The following CA8 variants were observed in gnomAD, a reference collection of about 807,000 sequenced individuals.
The protein encoded by CA8 is carbonic anhydrase-related protein.
Under a neutral mutation model 41.4 loss-of-function variants are expected in CA8, and 22 were observed. The observed-to-expected ratio is 0.53, with a 90% confidence interval of 0.38 to 0.76. The LOEUF (loss-of-function observed/expected upper bound fraction) is 0.76. Among genes scored for constraint, CA8 ranks in the 30% least tolerant of loss-of-function variants. The pLI is 0.00. For missense variants in CA8, 270 were observed against 352.8 expected, an observed-to-expected ratio of 0.77 and a Z score of 1.88; for synonymous variants, 121 against 130.6, an observed-to-expected ratio of 0.93 and a Z score of 0.50.
chr8:60,207,081 T>G (rs1416829048), intron 8 of CA8, among the ~76,000 whole-genome samples: 3 of 152,096 alleles, frequency 2.0e-5, no homozygotes, highest in African/African-American at 7.2e-5. Flanking sequence ...TGCAACCACA[T>G]CCCTCCTTGA....
chr8:60,224,561 AG>A lies in CA8; in HGVS notation c.600del (p.Phe201LeufsTer40). Reference protein sequence around the residue: ...QYKGKSKTIPCFNPNTLLPDP... With the variant: ...QYKGKSKTIPXFNPNTLLPDP... ...CCTGGTAATAAAGTGTTAGGATTAA[AG>A]CAAGGTATTGTTTTGGACTTCCCCT... On this transcript the variant is annotated frameshift_variant, in exon 6 of 9. Coordinates refer to ENST00000317995, the MANE Select transcript of CA8 (RefSeq NM_004056.6). LOFTEE classifies it high-confidence loss of function. 6.3e-7 allele frequency: 1 copy of A among 1,579,310 alleles called. No homozygotes were observed. Among genetic ancestry groups the A allele is most frequent in the East Asian group, 2.2e-5 (1 of 44,604 alleles).
intron 7 of CA8, among the ~76,000 whole-genome samples, chr8:60,222,317 C>T (rs988605204): frequency 2.0e-5 from 3 of 149,926 alleles, no homozygotes; most frequent in Admixed American, 6.7e-5. Context: ...CAGAAATAAC[C>T]GGCATCCCCA....
chr8:60,207,788 A>G (rs900566606), intron 8 of CA8, among the ~76,000 whole-genome samples: 2 of 152,056 alleles, frequency 1.3e-5, no homozygotes, highest in Non-Finnish European at 2.9e-5. Context: ...CACGATCTCA[A>G]TCTGTCACCC....
chr8:60,268,594 T>A (rs997052138), intron 2 of CA8, among the ~76,000 whole-genome samples: 4 of 152,204 alleles, frequency 2.6e-5, no homozygotes, highest in African/African-American at 9.6e-5. Flanking sequence ...CACAGACCCA[T>A]GTTTTGATAG....
chr8:60,205,743 G>A (rs1806555375), intron 8 of CA8, among the ~76,000 whole-genome samples: 1 of 151,814 alleles, frequency 6.6e-6, no homozygotes, highest in African/African-American at 2.4e-5. Context: ...AGTCTTCCAG[G>A]TGCCCAGACA....
intron 3 of CA8, among the ~76,000 whole-genome samples, chr8:60,243,610 G>A (rs1246567860): frequency 6.6e-6 from 1 of 151,894 alleles, no homozygotes; most frequent in South Asian, 2.1e-4. Context: ...ACCGTCTACG[G>A]CCATACCACC....
intron 6 of CA8, among the ~76,000 whole-genome samples, chr8:60,223,995 A>G (rs1807338520): frequency 6.6e-6 from 1 of 152,264 alleles, no homozygotes; most frequent in African/African-American, 2.4e-5. Flanking sequence ...AGGTAACCTT[A>G]TAAAATTAGA....
rs562508338 is a variant in CA8 at position 60,231,938 on chromosome 8, A to AT, written c.513+345dup. ...CTACATACTTCTATTATTGTTATTG[A>AT]TTTTTTTTGTAGATTTTTCTGTAAA... On this transcript the variant is annotated intron_variant, in intron 4 of 8. Transcript: ENST00000317995. 2.8e-4 allele frequency among the ~76,000 whole-genome samples: 43 copies of AT among 152,058 alleles called. No homozygotes were observed. The South Asian group carries it at 2.9e-3, about 10-fold the overall frequency.
At chr8:60,230,937 A>G (rs77080506) in intron 4 of CA8, among the ~76,000 whole-genome samples, 1 of 152,246 alleles carries the variant, frequency 6.6e-6, no homozygotes, top group East Asian at 1.9e-4. Context: ...GATGAAACTG[A>G]CATGTTCCTT....
At chr8:60,200,888 A>G (rs1384026208) in intron 8 of CA8, among the ~76,000 whole-genome samples, 1 of 152,078 alleles carries the variant, frequency 6.6e-6, no homozygotes, top group Non-Finnish European at 1.5e-5. Flanking sequence ...ATTATTTTAT[A>G]TATTTTTATT....
intron 5 of CA8, among the ~76,000 whole-genome samples, chr8:60,225,628 T>C (rs1807410405): frequency 6.6e-6 from 1 of 152,232 alleles, no homozygotes; most frequent in Admixed American, 6.5e-5. Context: ...TACCCTGGGC[T>C]GTGCTAGTAT....
chr8:60,205,090 A>T (rs996762988), intron 8 of CA8, among the ~76,000 whole-genome samples: 2 of 152,200 alleles, frequency 1.3e-5, no homozygotes, highest in African/African-American at 4.8e-5. Context: ...CAAAAGAAAA[A>T]TAAGGGCAAG....
chr8:60,238,803 C>T (rs1337394368), intron 3 of CA8, among the ~76,000 whole-genome samples: 2 of 152,138 alleles, frequency 1.3e-5, no homozygotes, highest in African/African-American at 4.8e-5. Flanking sequence ...ACCCTGACTC[C>T]TCACAACAGC....
chr8:60,193,020 T>C (rs1217770303), intron 8 of CA8, among the ~76,000 whole-genome samples: 1 of 149,300 alleles, frequency 6.7e-6, no homozygotes, highest in Admixed American at 6.7e-5. Flanking sequence ...CACCCCATCC[T>C]CCAAATATGG....
intron 8 of CA8, among the ~76,000 whole-genome samples, chr8:60,191,799 G>A (rs1003926601): frequency 1.3e-5 from 2 of 152,046 alleles, no homozygotes; most frequent in Admixed American, 1.3e-4. Flanking sequence ...AATATGGGTA[G>A]GTAAATACAC....
At chr8:60,249,015 T>G (rs1414298178) in intron 3 of CA8, among the ~76,000 whole-genome samples, 2 of 152,194 alleles carry the variant, frequency 1.3e-5, no homozygotes, top group African/African-American at 4.8e-5. Flanking sequence ...TTATTCCCTT[T>G]GTAGCAATTG....
chr8:60,253,588 C>CT (rs991382366), intron 3 of CA8, among the ~76,000 whole-genome samples: 1 of 152,112 alleles, frequency 6.6e-6, no homozygotes, highest in African/African-American at 2.4e-5. Context: ...CTTAAAAGTG[C>CT]TAGTAGTTCT....
rs371911623 is a variant in CA8, at chr8:60,253,628, C to T, written c.417+12297G>A. On this transcript the variant is annotated intron_variant, in intron 3 of 8. Transcript: ENST00000317995. ...TGCCTCATCAAGGTAGCATCTCATT[C>T]TCAGGAAGGAGTTAGGCCCTCCTCA... is the stretch of plus-strand genomic sequence containing the variant. Among the ~76,000 whole-genome samples, 5 of 152,280 alleles carry T rather than the reference C, an allele frequency of 3.3e-5. No individual in the cohort carries two copies. In the South Asian group the frequency reaches 6.2e-4, roughly 19 times the overall value.
At chr8:60,218,292 C>G (rs1807095863) in intron 7 of CA8, among the ~76,000 whole-genome samples, 1 of 151,424 alleles carries the variant, frequency 6.6e-6, no homozygotes, top group Non-Finnish European at 1.5e-5. Flanking sequence ...GCGCTGGACA[C>G]AGCAAATGAC....
Sources: gnomAD v4.1 joint callset for allele counts (sites outside exome capture counted in the v4.1 genomes callset) on GRCh38, gnomAD v4.1.1 for gene constraint, MANE v1.5 for transcripts, NCBI Gene and HGNC (gene_info 2026-07-23, HGNC 2026-07-21) for gene names.